Variants in PIGO observed in about 807,000 individuals in gnomAD.
PIGO encodes phosphatidylinositol glycan anchor biosynthesis class O, also known as GPI ethanolamine phosphate transferase 3, catalytic subunit.
A neutral mutation model predicts 86.9 loss-of-function variants in PIGO; 66 were observed. That is an observed-to-expected ratio of 0.76 (90% confidence interval 0.62 to 0.93). The LOEUF (loss-of-function observed/expected upper bound fraction) is 0.93. PIGO is among the 40% of genes least tolerant of loss of function. PIGO has a pLI of 0.00. For missense variants in PIGO, 1,202 were observed against 1,359.1 expected, an observed-to-expected ratio of 0.88 and a Z score of 1.82; for synonymous variants, 570 against 556.4, an observed-to-expected ratio of 1.02 and a Z score of -0.34.
Position 35,095,045 on chromosome 9 carries a change from C to T in PIGO, c.511+10G>A, listed in dbSNP as rs1271929813. On this transcript the variant is annotated intron_variant, in intron 2 of 10. Coordinates refer to ENST00000378617, the MANE Select transcript of PIGO (RefSeq NM_032634.4). Reference sequence around the variant, plus strand: ...AGGTACTTCTGGCCTTCAAAGTGGCCCACACTGACCTGCACTGGTGAGCTG... The same window carrying T: ...AGGTACTTCTGGCCTTCAAAGTGGCTCACACTGACCTGCACTGGTGAGCTG... 1.3e-6 allele frequency: 2 copies of T among 1,570,190 alleles called. No homozygotes were observed. Among genetic ancestry groups the T allele is most frequent in the South Asian group, 1.2e-5 (1 of 85,398 alleles).
chr9:35,091,125 G>C (rs549897420), intron 7 of PIGO, 115 bp downstream of exon 7: 2 of 1,212,514 alleles, frequency 1.6e-6, no homozygotes, highest in African/African-American at 3.0e-5. Context: ...AGTTGTGTGG[G>C]GCATGGGACC....
In PIGO at chr9:35,095,574, G is replaced by A; in HGVS notation, c.-1-8C>T. On this transcript the variant is annotated splice_polypyrimidine_tract_variant and splice_region_variant and intron_variant, in intron 1 of 10. Coordinates refer to ENST00000378617, the MANE Select transcript of PIGO (RefSeq NM_032634.4). ...ACTGAGGCTTTCTGCATCCTGATAG[G>A]GGTGGGGAAGTAAATTCATTACTGT... The A allele has an allele frequency of 6.5e-7, 1 of 1,533,954 alleles. No homozygotes were observed. The highest frequency in any genetic ancestry group is 8.7e-7 in the Non-Finnish European group (1 of 1,143,954).
chr9:35,091,993 T>C lies in PIGO; in HGVS notation c.1894A>G (p.Thr632Ala). ...LRLGIGLLLC[T>A]RLAGLFHRCP... ...CGATGAAAAAGCCCAGCTAGCCTTG[T>C]ACATAAAAGCAACCCAATTCCAAGC... Residue 632 changes from threonine to alanine, a missense_variant, in exon 7 of 11, where the codon ACA becomes GCA. Coordinates refer to ENST00000378617, the MANE Select transcript of PIGO (RefSeq NM_032634.4). 4 of 1,614,174 alleles carry C rather than the reference T, an allele frequency of 2.5e-6. No homozygotes were observed. Among genetic ancestry groups the C allele is most frequent in the Non-Finnish European group, 3.4e-6 (4 of 1,180,030 alleles).
chr9:35,091,968 C>T lies in PIGO; in HGVS notation c.1919G>A (p.Arg640His), dbSNP rs918368312. 1.2e-5 allele frequency: 20 copies of T among 1,614,190 alleles called. No homozygotes were observed. Among genetic ancestry groups the T allele is most frequent in the Non-Finnish European group, 1.7e-5 (20 of 1,180,040 alleles). The part of the protein sequence containing the change: ...LCTRLAGLFH[R>H]CPEETPVCHS... The stretch of plus-strand genomic sequence containing the variant: ...GCAAACAGGTGTCTCTTCAGGGCAA[C>T]GATGAAAAAGCCCAGCTAGCCTTGT... Residue 640 changes from arginine (R) to histidine (H), a missense_variant, in exon 7 of 11, where the codon CGT becomes CAT. Arg to His is a conservative substitution (Grantham distance 29). Transcript: ENST00000378617.
rs969538484 is a variant in PIGO at position 35,088,837 on chromosome 9, G to A, written c.*255C>T. On this transcript the variant is annotated 3_prime_UTR_variant, in exon 11 of 11. Transcript: ENST00000378617. ...TGGGATTATAGGTGCAAGTCACCAC[G>A]CCCGGCCTATTTTATTCCACTTCGG... 15 of 401,382 alleles carry A rather than the reference G, an allele frequency of 3.7e-5. No homozygotes were observed. Among genetic ancestry groups the A allele is most frequent in the South Asian group, 3.0e-4 (10 of 33,168 alleles). The allele number at this position is 401,382 out of a possible 1,614,324, so 24.9% of individuals were successfully genotyped here. A position where few individuals can be genotyped will look rare whatever the true frequency, so the allele number is the denominator to read the frequency against.
At position 35,088,955 on chromosome 9, in the gene PIGO, G is replaced by C; in HGVS notation, c.*137C>G. On this transcript the variant is annotated 3_prime_UTR_variant, in exon 11 of 11. Transcript: ENST00000378617. The stretch of plus-strand genomic sequence containing the variant: ...TGAATTATAGAATAATGAAGTCCTA[G>C]ATGTCAGCGGCCCCTGGCTGCATGA... The C allele has an allele frequency of 8.4e-7, 1 of 1,196,190 alleles. No individual in the cohort carries two copies. The highest frequency in any genetic ancestry group is 2.2e-5 in the Admixed American group (1 of 45,402). 74.1% of individuals were successfully genotyped at this position (1,196,190 alleles called of 1,614,324 possible).
chr9:35,091,699 G>T lies in PIGO; in HGVS notation c.2188C>A (p.Pro730Thr). The T allele has an allele frequency of 6.2e-7, 1 of 1,612,530 alleles. No homozygotes were observed. The highest frequency in any genetic ancestry group is 8.5e-7 in the Non-Finnish European group (1 of 1,180,020). Residue 730 changes from proline to threonine, a missense_variant, in exon 7 of 11, where the codon CCC becomes ACC. Pro to Thr is a conservative substitution (Grantham distance 38). Coordinates refer to ENST00000378617, the MANE Select transcript of PIGO (RefSeq NM_032634.4). ...CCAGAGACCAGGACCCGGAGACGGG[G>T]GGGAGCCTCATCTGCCCCCGACGCC... ...ALASGADEAP[P>T]RLRVLVSGAS...
In PIGO at chr9:35,089,022, A is replaced by G; in HGVS notation, c.*70T>C. 1.3e-6 allele frequency: 2 copies of G among 1,599,184 alleles called. No individual in the cohort carries two copies. Among genetic ancestry groups the G allele is most frequent in the Admixed American group, 1.7e-5 (1 of 59,460 alleles). ...GAGCCTGTCTTGCAGATCATCCAGT[A>G]CCTGTACAGGCCAGGCTACACTGTT... On this transcript the variant is annotated 3_prime_UTR_variant, in exon 11 of 11. Coordinates refer to ENST00000378617, the MANE Select transcript of PIGO (RefSeq NM_032634.4).
intron 8 of PIGO, 30 bp downstream of exon 8, chr9:35,090,436 A>G (rs1048403223): frequency 4.4e-6 from 7 of 1,593,854 alleles, no homozygotes; most frequent in Non-Finnish European, 5.1e-6. Flanking sequence ...CAGAGTAAAC[A>G]ATGGAAGCAA....
chr9:35,095,104 G>A lies in PIGO; in HGVS notation c.462C>T (p.Ala154=). 3 of 1,613,268 alleles carry A rather than the reference G, an allele frequency of 1.9e-6. No homozygotes were observed. Among genetic ancestry groups the A allele is most frequent in the Non-Finnish European group, 2.5e-6 (3 of 1,179,556 alleles). Residue 154 remains alanine (A), a synonymous_variant, in exon 2 of 11, where the codon GCC becomes GCT. Coordinates refer to ENST00000378617, the MANE Select transcript of PIGO (RefSeq NM_032634.4). ...PTFIDAGSNF[A]SHAIVEDNLI... is the part of the protein sequence containing the mutation. ...GATTGTCTTCCACTATGGCGTGGCTGGCGAAGTTACTACCAGCATCAATAA... is the reference window on the plus strand; with the variant it reads ...GATTGTCTTCCACTATGGCGTGGCTAGCGAAGTTACTACCAGCATCAATAA...
chr9:35,092,774 G>T lies in PIGO; in HGVS notation c.1120-7C>A. The T allele has an allele frequency of 6.3e-7, 1 of 1,598,998 alleles. No homozygotes were observed. Among genetic ancestry groups the T allele is most frequent in the Non-Finnish European group, 8.5e-7 (1 of 1,174,128 alleles). On this transcript the variant is annotated splice_polypyrimidine_tract_variant and splice_region_variant and intron_variant, in intron 6 of 10. Coordinates refer to ENST00000378617, the MANE Select transcript of PIGO (RefSeq NM_032634.4). ...TATGAAGAAATCGGGACACCTGGCA[G>T]AGAAAAGGTCAGAGGCCAAGGGGAA... is the stretch of plus-strand genomic sequence containing the variant.
intron 10 of PIGO, 77 bp downstream of exon 10, chr9:35,089,303 G>A (rs1193398084): frequency 7.4e-6 from 12 of 1,613,096 alleles, no homozygotes; most frequent in Non-Finnish European, 1.0e-5. Context: ...TGGCCATCCT[G>A]GATGTTTAGG....
chr9:35,090,019 C>G (rs993650478), intron 9 of PIGO, 47 bp downstream of exon 9: 1 of 1,580,058 alleles, frequency 6.3e-7, no homozygotes, highest in African/African-American at 1.4e-5. Flanking sequence ...AAGTGATGCA[C>G]ACACAGAGAA....
At position 35,089,103 on chromosome 9, in the gene PIGO, G is replaced by A. The variant is rs768738759; in HGVS notation, c.3259C>T (p.Gln1087Ter). 7 of 1,614,130 alleles carry A rather than the reference G, an allele frequency of 4.3e-6. No individual in the cohort carries two copies. The highest frequency in any genetic ancestry group is 5.9e-6 in the Non-Finnish European group (7 of 1,180,018). The stretch of plus-strand genomic sequence containing the variant: ...AATCACAGACTAGGCTACCTCTGCT[G>A]GGCCAGAAATAGCTGCCTGAACCAG... ...SSWFRQLFLA[Q>*]QR Residue 1087 changes from glutamine (Q) to a stop codon, truncating the protein, a stop_gained, in exon 11 of 11, where the codon CAG becomes TAG. Transcript: ENST00000378617. LOFTEE classifies it high-confidence loss of function.
In PIGO at chr9:35,093,424, T is replaced by C. The variant is rs148844555; in HGVS notation, c.936A>G (p.Pro312=). Residue 312 remains proline, a synonymous_variant, in exon 5 of 11, where the codon CCA becomes CCG. Transcript: ENST00000378617. ...TGAGGAACATCCCAGGCCTCACCTCTGGTGGGGTGCTGGGGAAGACTGCTG... is the reference window on the plus strand; with the variant it reads ...TGAGGAACATCCCAGGCCTCACCTCCGGTGGGGTGCTGGGGAAGACTGCTG... ...SPTAVFPSTP[P]EEPEVIPQVS... 6.2e-6 allele frequency: 10 copies of C among 1,614,094 alleles called. No individual in the cohort carries two copies. The highest frequency in any genetic ancestry group is 4.0e-5 in the African/African-American group (3 of 75,044).
In PIGO at chr9:35,093,189, T is replaced by C; in HGVS notation, c.960A>G (p.Gln320=). Residue 320 remains glutamine (Q), a synonymous_variant, in exon 6 of 11, where the codon CAA becomes CAG. Coordinates refer to ENST00000378617, the MANE Select transcript of PIGO (RefSeq NM_032634.4). ...TPPEEPEVIP[Q]VSLVPTLALL... ...GGGCCAGCGTGGGCACAAGGCTAAC[T>C]TGAGGAATCACCTCTGGCTCCTAAA... is the stretch of plus-strand genomic sequence containing the variant. 1 of 1,613,132 alleles carries C rather than the reference T, an allele frequency of 6.2e-7. No individual in the cohort carries two copies. The highest frequency in any genetic ancestry group is 1.1e-5 in the South Asian group (1 of 91,056).
intron 9 of PIGO, 86 bp from the exon 10 acceptor site, chr9:35,089,536 A>C: frequency 1.3e-6 from 2 of 1,589,550 alleles, no homozygotes; most frequent in Non-Finnish European, 1.7e-6. Flanking sequence ...CCCCTGTAAA[A>C]AATGGAAGCA....
At chr9:35,093,361 C>T (rs907314655) in intron 5 of PIGO, 60 bp downstream of exon 5, 1 of 1,608,008 alleles carries the variant, frequency 6.2e-7, no homozygotes, top group African/African-American at 1.3e-5. Flanking sequence ...CATGAGGATG[C>T]TGTAATGGTA....
Position 35,091,449 on chromosome 9 carries a change from T to C in PIGO, c.2438A>G (p.Glu813Gly). The C allele has an allele frequency of 6.2e-7, 1 of 1,614,122 alleles. No homozygotes were observed. Among genetic ancestry groups the C allele is most frequent in the Non-Finnish European group, 8.5e-7 (1 of 1,180,028 alleles). The stretch of plus-strand genomic sequence containing the variant: ...CAGGGGACCCTGAGATTTGGTCCTC[T>C]CTAACCGGCCCCGGAACTCCTCCTG... ...HMQEEFRGRL[E>G]RTKSQGPLTV... is the part of the protein sequence containing the mutation. The change falls in exon 7 of 11, where the codon GAG becomes GGG. Residue 813 changes from glutamate (E) to glycine (G), a missense_variant. Physicochemically the swap from Glu to Gly is moderately conservative, Grantham distance 98. Transcript: ENST00000378617.
Sources: gnomAD v4.1 joint callset for allele counts on GRCh38, gnomAD v4.1.1 for gene constraint, MANE v1.5 for transcripts, NCBI Gene and HGNC (gene_info 2026-07-23, HGNC 2026-07-21) for gene names.